CHST11: variants seen among roughly 807,000 people sequenced by gnomAD.
The protein encoded by CHST11 is carbohydrate sulfotransferase 11, also known as C4S-1.
In CHST11, 9 loss-of-function variants were observed where a neutral mutation model predicts 30.4. The ratio of observed to expected loss-of-function variants is 0.30; its 90% CI spans 0.18 to 0.52. CHST11 has a LOEUF of 0.52. Among genes scored for constraint, CHST11 ranks in the 20% least tolerant of loss-of-function variants. The pLI, the probability that CHST11 is intolerant of heterozygous loss-of-function variation, is 0.97. For missense variants in CHST11, 348 were observed against 460.6 expected, an observed-to-expected ratio of 0.76 and a Z score of 2.24; for synonymous variants, 152 against 187.8, an observed-to-expected ratio of 0.81 and a Z score of 1.56.
intron 1 of CHST11, among the ~76,000 whole-genome samples, chr12:104,551,233 G>A (rs2038401408): frequency 6.6e-6 from 1 of 152,122 alleles, no homozygotes; most frequent in Non-Finnish European, 1.5e-5. Flanking sequence ...AAATTAATAG[G>A]CAACTGCATG....
intron 1 of CHST11, among the ~76,000 whole-genome samples, chr12:104,549,594 A>G (rs1002351699): frequency 6.6e-6 from 1 of 152,192 alleles, no homozygotes; most frequent in South Asian, 2.1e-4. Context: ...AAATCGATGT[A>G]AGGAGATTAA....
At chr12:104,545,732 C>G (rs1056004261) in intron 1 of CHST11, among the ~76,000 whole-genome samples, 13 of 152,206 alleles carry the variant, frequency 8.5e-5, no homozygotes, top group Non-Finnish European at 8.8e-5. Flanking sequence ...TAGTGAGGCT[C>G]TCTTCTGGGT....
At chr12:104,719,255 C>G (rs2040155229) in intron 2 of CHST11, among the ~76,000 whole-genome samples, 1 of 152,220 alleles carries the variant, frequency 6.6e-6, no homozygotes, top group Non-Finnish European at 1.5e-5. Context: ...GGGTTGAGTT[C>G]TGGAGTCCCC....
chr12:104,599,933 G>C (rs2038943046), intron 1 of CHST11, among the ~76,000 whole-genome samples: 1 of 152,252 alleles, frequency 6.6e-6, no homozygotes, highest in Non-Finnish European at 1.5e-5. Flanking sequence ...CATCAGTGAA[G>C]TTTTGTTGGC....
chr12:104,580,587 C>G (rs1406460852), intron 1 of CHST11, among the ~76,000 whole-genome samples: 7 of 152,160 alleles, frequency 4.6e-5, no homozygotes, highest in Non-Finnish European at 8.8e-5. Context: ...TCTATAACAG[C>G]TAGGATTGTG....
intron 2 of CHST11, among the ~76,000 whole-genome samples, chr12:104,669,576 G>T (rs1284343216): frequency 6.6e-6 from 1 of 152,188 alleles, no homozygotes; most frequent in Non-Finnish European, 1.5e-5. Flanking sequence ...CCTACATTGT[G>T]TTTGTAGAGT....
intron 1 of CHST11, among the ~76,000 whole-genome samples, chr12:104,540,226 A>G (rs765619354): frequency 2.0e-5 from 3 of 152,060 alleles, no homozygotes; most frequent in Non-Finnish European, 2.9e-5. Flanking sequence ...GAACTCATGA[A>G]TATGGAGGCT....
intron 2 of CHST11, among the ~76,000 whole-genome samples, chr12:104,715,048 C>T (rs2040119621): frequency 6.6e-6 from 1 of 152,176 alleles, no homozygotes; most frequent in Non-Finnish European, 1.5e-5. Context: ...GGCTCCTGTG[C>T]CAGCCTTAGT....
At chr12:104,652,415 A>G (rs901118313) in intron 2 of CHST11, among the ~76,000 whole-genome samples, 9 of 150,062 alleles carry the variant, frequency 6.0e-5, no homozygotes, top group Admixed American at 6.0e-4. Flanking sequence ...GGCTGTAAGA[A>G]AATCAGAAGT....
At chr12:104,481,170 AC>A (rs774511474) in intron 1 of CHST11, among the ~76,000 whole-genome samples, 27 of 152,124 alleles carry the variant, frequency 1.8e-4, no homozygotes, top group Non-Finnish European at 3.7e-4. Flanking sequence ...CAGAAGAGAA[AC>A]CCAAATCCTT....
chr12:104,702,930 T>C (rs1206286085), intron 2 of CHST11, among the ~76,000 whole-genome samples: 1 of 152,180 alleles, frequency 6.6e-6, no homozygotes, highest in Non-Finnish European at 1.5e-5. Flanking sequence ...CCTCATGCCT[T>C]AGCAGCAAGT....
At chr12:104,625,329 A>G (rs1704168512) in intron 2 of CHST11, among the ~76,000 whole-genome samples, 1 of 152,058 alleles carries the variant, frequency 6.6e-6, no homozygotes, top group Admixed American at 6.6e-5. Context: ...TCTGAGACGG[A>G]GTTTCGCTCT....
chr12:104,761,501 A>ACACACACACACACACACACACAC lies in CHST11; in HGVS notation c.*3698_*3699insCACACACACACACACACACACAC, dbSNP rs10695562. ...CACACACACACACACACACACACACAATCTCAGCTGCGCCATTCTGTGCAA... is the reference window on the plus strand; with the variant it reads ...CACACACACACACACACACACACACACACACACACACACACACACACACATCTCAGCTGCGCCATTCTGTGCAA... On this transcript the variant is annotated 3_prime_UTR_variant, in exon 3 of 3. Transcript: ENST00000303694. The ACACACACACACACACACACACAC allele has an allele frequency of 2.1e-5, 3 of 144,504 alleles. No homozygotes were observed. Among genetic ancestry groups the ACACACACACACACACACACACAC allele is most frequent in the African/African-American group, 7.7e-5 (3 of 38,972 alleles). The allele number at this position is 144,504 out of a possible 1,614,324, so 9.0% of individuals were successfully genotyped here. A position where few individuals can be genotyped will look rare whatever the true frequency, so the allele number is the denominator to read the frequency against.
At chr12:104,725,192 G>A (rs2040207351) in intron 2 of CHST11, among the ~76,000 whole-genome samples, 1 of 152,204 alleles carries the variant, frequency 6.6e-6, no homozygotes, top group African/African-American at 2.4e-5. Context: ...CAATGGCAGA[G>A]GATGAAATGA....
intron 2 of CHST11, among the ~76,000 whole-genome samples, chr12:104,621,001 T>C (rs1412124665): frequency 1.3e-5 from 2 of 152,238 alleles, no homozygotes; most frequent in Admixed American, 6.5e-5. Flanking sequence ...ATTTGTTATC[T>C]AATACTGAGC....
Position 104,716,036 on chromosome 12 carries a change from G to A in CHST11, c.205-40913G>A, listed in dbSNP as rs1319747223. Among the ~76,000 whole-genome samples, 5 of 152,320 alleles carry A rather than the reference G, an allele frequency of 3.3e-5. No individual in the cohort carries two copies. In the East Asian group the frequency reaches 7.7e-4, roughly 23 times the overall value. ...TTGGCTCAGCTCCAGCCCAGGCCTG[G>A]GGTCTGTGCCAAGCCCAGAGAAAGG... is the stretch of plus-strand genomic sequence containing the variant. On this transcript the variant is annotated intron_variant, in intron 2 of 2. Coordinates refer to ENST00000303694, the MANE Select transcript of CHST11 (RefSeq NM_018413.6).
intron 1 of CHST11, among the ~76,000 whole-genome samples, chr12:104,599,808 A>G (rs1050198650): frequency 4.6e-5 from 7 of 152,234 alleles, no homozygotes; most frequent in African/African-American, 1.7e-4. Context: ...ACTCTAGCCC[A>G]AGGGCCAAAT....
At chr12:104,634,560 G>A (rs2136070110) in intron 2 of CHST11, among the ~76,000 whole-genome samples, 1 of 152,302 alleles carries the variant, frequency 6.6e-6, no homozygotes, top group Middle Eastern at 3.4e-3. Flanking sequence ...CGCTCCTCGA[G>A]GGTCTCTCCC....
chr12:104,647,306 C>T (rs1328530200), intron 2 of CHST11, among the ~76,000 whole-genome samples: 2 of 152,142 alleles, frequency 1.3e-5, no homozygotes, highest in Non-Finnish European at 2.9e-5. Context: ...CAACTGGCTT[C>T]TCTTGAAAAC....
Sources: gnomAD v4.1 joint callset for allele counts (sites outside exome capture counted in the v4.1 genomes callset) on GRCh38, gnomAD v4.1.1 for gene constraint, MANE v1.5 for transcripts, NCBI Gene and HGNC (gene_info 2026-07-23, HGNC 2026-07-21) for gene names.